IGF1: variants seen among roughly 807,000 people sequenced by gnomAD.
The protein encoded by IGF1 is insulin like growth factor 1.
In IGF1, 4 loss-of-function variants were observed where a neutral mutation model predicts 13.8. That is an observed-to-expected ratio of 0.29 (90% CI 0.14 to 0.66). The LOEUF (loss-of-function observed/expected upper bound fraction) is 0.66. Among genes scored for constraint, IGF1 ranks in the 30% least tolerant of loss-of-function variants. The probability of loss-of-function intolerance (pLI) is 0.78; values close to 1 mark genes in which losing one functional copy is unlikely to be tolerated. For missense variants in IGF1, 124 were observed against 188.5 expected (o/e 0.66, Z 2.00); for synonymous variants, 76 against 72.6 (o/e 1.05, Z -0.23).
At chr12:102,479,789 C>T (rs1040166633) in intron 1 of IGF1, among the ~76,000 whole-genome samples, 2 of 152,086 alleles carry the variant, frequency 1.3e-5, no homozygotes, top group South Asian at 2.1e-4. Context: ...TGCAGAGTTC[C>T]GGGACCTTAG....
intron 2 of IGF1, among the ~76,000 whole-genome samples, chr12:102,455,346 A>G (rs529315470): frequency 1.3e-5 from 2 of 152,354 alleles, no homozygotes; most frequent in Non-Finnish European, 2.9e-5. Context: ...GCCACTTGGA[A>G]GAGAGAGGTC....
intron 3 of IGF1, among the ~76,000 whole-genome samples, chr12:102,410,103 C>T (rs1033969233): frequency 2.3e-4 from 35 of 152,226 alleles, no homozygotes; most frequent in African/African-American, 8.4e-4. Flanking sequence ...TAGCAACTTT[C>T]TTACTCTTTT....
chr12:102,429,893 G>T lies in IGF1; in HGVS notation c.221-10203C>A, dbSNP rs191241311. 1.6e-3 allele frequency among the ~76,000 whole-genome samples: 244 copies of T among 152,226 alleles called. 1 individual carries two copies. Among genetic ancestry groups the T allele is most frequent in the Non-Finnish European group, 2.6e-3 (179 of 68,024 alleles). ...TCCTTTCTGAGAACTAGAGACTGTTGCCCCAGAAGTCATTTTCCAATTTAT... is the reference window on the plus strand; with the variant it reads ...TCCTTTCTGAGAACTAGAGACTGTTTCCCCAGAAGTCATTTTCCAATTTAT... On this transcript the variant is annotated intron_variant, in intron 2 of 3. Transcript: ENST00000337514.
At chr12:102,444,076 C>T (rs374016996) in intron 2 of IGF1, among the ~76,000 whole-genome samples, 6 of 151,992 alleles carry the variant, frequency 3.9e-5, no homozygotes, top group Non-Finnish European at 2.9e-5. Flanking sequence ...ATCCGCCTGC[C>T]TCAGCCTCTC....
At chr12:102,473,607 A>G (rs1880822493) in intron 2 of IGF1, among the ~76,000 whole-genome samples, 1 of 152,242 alleles carries the variant, frequency 6.6e-6, no homozygotes, top group African/African-American at 2.4e-5. Flanking sequence ...ACTGACAAGA[A>G]CATATGATTT....
At chr12:102,415,568 T>TTCCG (rs1875051536) in intron 3 of IGF1, 7 of 143,352 alleles carry the variant, frequency 4.9e-5, no homozygotes, top group African/African-American at 1.3e-4. Flanking sequence ...CCTTCCTTCC[T>TTCCG]TCCTTCCTTC....
chr12:102,478,304 C>A, intron 1 of IGF1, among the ~76,000 whole-genome samples: 1 of 146,560 alleles, frequency 6.8e-6, no homozygotes. Context: ...ATCAGAAAGA[C>A]ATGAGAAAAA....
chr12:102,458,217 GT>G (rs1386169689), intron 2 of IGF1, among the ~76,000 whole-genome samples: 1 of 152,048 alleles, frequency 6.6e-6, no homozygotes, highest in Non-Finnish European at 1.5e-5. Flanking sequence ...AGTTCTTTCT[GT>G]TTCATTTTTT....
chr12:102,432,164 A>AT (rs900518108), intron 2 of IGF1, among the ~76,000 whole-genome samples: 1 of 152,078 alleles, frequency 6.6e-6, no homozygotes, highest in Admixed American at 6.6e-5. Flanking sequence ...GCAGTACTGT[A>AT]TTTTTTCCCA....
intron 2 of IGF1, among the ~76,000 whole-genome samples, chr12:102,431,201 C>CA (rs1209642933): frequency 1.3e-5 from 2 of 152,210 alleles, no homozygotes; most frequent in Non-Finnish European, 2.9e-5. Flanking sequence ...TAGTTAAGTT[C>CA]TCTAACGTGA....
intron 2 of IGF1, among the ~76,000 whole-genome samples, chr12:102,444,625 A>G (rs888864452): frequency 4.6e-5 from 7 of 152,114 alleles, no homozygotes; most frequent in Non-Finnish European, 1.0e-4. Flanking sequence ...ACAAAATCAT[A>G]TCTCATCTAG....
At chr12:102,402,996 G>T (rs1054100796) in intron 3 of IGF1, among the ~76,000 whole-genome samples, 4 of 152,190 alleles carry the variant, frequency 2.6e-5, no homozygotes, top group Non-Finnish European at 5.9e-5. Flanking sequence ...GTAAAAAAGA[G>T]ACATTTATTT....
chr12:102,446,065 G>C (rs1188078344), intron 2 of IGF1, among the ~76,000 whole-genome samples: 2 of 152,142 alleles, frequency 1.3e-5, no homozygotes, highest in African/African-American at 4.8e-5. Flanking sequence ...AACCAGCCTT[G>C]CATCCCAGGG....
rs1452708690 is a variant in IGF1, at chr12:102,396,536, T to C, written c.*5971A>G. 9.5e-6 allele frequency: 2 copies of C among 210,410 alleles called. No individual in the cohort carries two copies. The highest frequency in any genetic ancestry group is 4.5e-5 in the African/African-American group (2 of 43,996). 13.0% of individuals were successfully genotyped at this position (210,410 alleles called of 1,614,324 possible). A position where few individuals can be genotyped will look rare whatever the true frequency, so the allele number is the denominator to read the frequency against. Reference sequence around the variant, plus strand: ...GCTATGAGTTGGTGAGTGGGGTCAATGGGTGGCTTGAAAGGGATTTTAGAG... The same window carrying C: ...GCTATGAGTTGGTGAGTGGGGTCAACGGGTGGCTTGAAAGGGATTTTAGAG... On this transcript the variant is annotated 3_prime_UTR_variant, in exon 4 of 4. Coordinates refer to ENST00000337514, the MANE Select transcript of IGF1 (RefSeq NM_000618.5).
At chr12:102,458,510 G>A (rs544833525) in intron 2 of IGF1, among the ~76,000 whole-genome samples, 71 of 152,130 alleles carry the variant, frequency 4.7e-4, no homozygotes, top group African/African-American at 1.7e-3. Flanking sequence ...GAGGCCTTCC[G>A]ACTCAGCCAT....
At chr12:102,454,486 A>G (rs1879219714) in intron 2 of IGF1, among the ~76,000 whole-genome samples, 1 of 152,240 alleles carries the variant, frequency 6.6e-6, no homozygotes, top group Non-Finnish European at 1.5e-5. Flanking sequence ...GAGGAACAAG[A>G]TAAACATTAA....
chr12:102,458,525 A>G (rs1879621363), intron 2 of IGF1, among the ~76,000 whole-genome samples: 1 of 152,196 alleles, frequency 6.6e-6, no homozygotes, highest in South Asian at 2.1e-4. Flanking sequence ...AGCCATGTCT[A>G]CATTTCAAAT....
chr12:102,447,984 C>T (rs1177606185), intron 2 of IGF1, among the ~76,000 whole-genome samples: 3 of 151,886 alleles, frequency 2.0e-5, no homozygotes, highest in African/African-American at 7.3e-5. Flanking sequence ...AGTGAACAGG[C>T]AACCTACAGA....
intron 2 of IGF1, among the ~76,000 whole-genome samples, chr12:102,464,790 G>T (rs913276675): frequency 1.3e-5 from 2 of 152,158 alleles, no homozygotes; most frequent in East Asian, 3.9e-4. Flanking sequence ...AAACAGTTTG[G>T]ATGTACAACT....
Sources: allele counts gnomAD v4.1 joint callset (sites outside exome capture counted in the v4.1 genomes callset), GRCh38; gene constraint gnomAD v4.1.1; transcripts MANE v1.5; gene names NCBI Gene and HGNC (gene_info 2026-07-23, HGNC 2026-07-21).